Variants in TJP1 observed in about 807,000 individuals in gnomAD.
TJP1 encodes tight junction protein 1.
Under a neutral mutation model 194.2 loss-of-function variants are expected in TJP1, and 43 were observed. The ratio of observed to expected loss-of-function variants is 0.22; its 90% CI spans 0.17 to 0.29. TJP1 has a LOEUF of 0.29. Among genes scored for constraint, TJP1 ranks in the 10% least tolerant of loss-of-function variants. The pLI is 1.00. For missense variants in TJP1, 1,971 were observed against 2,185.7 expected, an observed-to-expected ratio of 0.90 and a Z score of 1.96; for synonymous variants, 801 against 779.0, an observed-to-expected ratio of 1.03 and a Z score of -0.47.
At chr15:29,780,843 G>A (rs554146276) in intron 2 of TJP1, among the ~76,000 whole-genome samples, 2 of 152,150 alleles carry the variant, frequency 1.3e-5, no homozygotes, top group Admixed American at 6.5e-5. Flanking sequence ...AAGTAAAAAA[G>A]AAATCAACCT....
chr15:29,921,364 C>T (rs2054352277), intron 2 of TJP1, among the ~76,000 whole-genome samples: 1 of 152,194 alleles, frequency 6.6e-6, no homozygotes, highest in Non-Finnish European at 1.5e-5. Context: ...CACCTAAACC[C>T]TCCATTTCCC....
At chr15:29,927,122 C>A (rs1295130013) in intron 2 of TJP1, among the ~76,000 whole-genome samples, 1 of 151,612 alleles carries the variant, frequency 6.6e-6, no homozygotes, top group African/African-American at 2.4e-5. Flanking sequence ...GAGTTCAAGA[C>A]CAGCTTGGCC....
chr15:29,743,596 T>C (rs530096787), intron 8 of TJP1, among the ~76,000 whole-genome samples: 18 of 152,248 alleles, frequency 1.2e-4, no homozygotes, highest in Non-Finnish European at 2.2e-4. Context: ...GCACTGTCAC[T>C]TGTTCCTACA....
intron 24 of TJP1, among the ~76,000 whole-genome samples, chr15:29,709,920 C>T (rs2042131424): frequency 6.6e-6 from 1 of 152,082 alleles, no homozygotes; most frequent in Non-Finnish European, 1.5e-5. Flanking sequence ...CCGAGGTGGG[C>T]GGATCACCTG....
intron 2 of TJP1, among the ~76,000 whole-genome samples, chr15:29,916,443 T>A (rs571609165): frequency 6.6e-6 from 1 of 152,060 alleles, no homozygotes; most frequent in Admixed American, 6.5e-5. Context: ...GAATGGGTAA[T>A]GAGCTCCTTT....
chr15:29,833,881 A>ATATATATATATATTTTT (rs1555434000), intron 2 of TJP1, among the ~76,000 whole-genome samples: 1 of 12,614 alleles, frequency 7.9e-5, no homozygotes, highest in Non-Finnish European at 1.4e-4. Context: ...ATATATATAT[A>ATATATATATATATTTTT]TTTTTTTTTT....
intron 2 of TJP1, among the ~76,000 whole-genome samples, chr15:29,900,883 T>C (rs1006470540): frequency 6.6e-6 from 1 of 152,140 alleles, no homozygotes; most frequent in Non-Finnish European, 1.5e-5. Context: ...TCATCCTTTA[T>C]AGTACAAGCT....
intron 2 of TJP1, among the ~76,000 whole-genome samples, chr15:29,947,668 G>C (rs978082365): frequency 6.6e-6 from 1 of 152,168 alleles, no homozygotes; most frequent in Non-Finnish European, 1.5e-5. Context: ...AGGAGATGTA[G>C]AGAGATGTCC....
At chr15:29,949,496 TCCACAACCAC>T in intron 2 of TJP1, among the ~76,000 whole-genome samples, 1 of 37,508 alleles carries the variant, frequency 2.7e-5, no homozygotes, top group African/African-American at 1.3e-4. Context: ...CACCTCCACC[TCCACAACCAC>T]CACCTCCACC....
chr15:29,926,550 T>C (rs1389197387), intron 2 of TJP1, among the ~76,000 whole-genome samples: 1 of 149,250 alleles, frequency 6.7e-6, no homozygotes, highest in Non-Finnish European at 1.5e-5. Flanking sequence ...AGGTGGAGGA[T>C]GCAGTGAGCC....
At chr15:29,739,911 A>G (rs898374371) in intron 10 of TJP1, among the ~76,000 whole-genome samples, 1 of 152,246 alleles carries the variant, frequency 6.6e-6, no homozygotes, top group Admixed American at 6.5e-5. Context: ...TTAAACTTGT[A>G]AAAACCCCAT....
intron 2 of TJP1, among the ~76,000 whole-genome samples, chr15:29,775,305 G>A (rs1285842603): frequency 4.3e-5 from 6 of 138,832 alleles, no homozygotes; most frequent in Non-Finnish European, 9.3e-5. Flanking sequence ...GAGAGAAGGC[G>A]AAAGTCCTCC....
Position 29,718,648 on chromosome 15 carries a change from T to G in TJP1, c.3494A>C (p.Tyr1165Ser). ...LRHEEQPAPG[Y>S]DTHGRLRPEA... is the part of the protein sequence containing the mutation. ...CGGTCTGAGTCTACCATGTGTGTCATACCCAGGAGCTGGCTGCTCTTCGTG... is the reference window on the plus strand; with the variant it reads ...CGGTCTGAGTCTACCATGTGTGTCAGACCCAGGAGCTGGCTGCTCTTCGTG... Residue 1165 changes from tyrosine (Y) to serine (S), a missense_variant, in exon 21 of 28, where the codon TAT becomes TCT. By Grantham distance (144) the Tyr-to-Ser change is moderately radical. Coordinates refer to ENST00000614355, the MANE Select transcript of TJP1 (RefSeq NM_001330239.4). 1 of 1,614,160 alleles carries G rather than the reference T, an allele frequency of 6.2e-7. No individual in the cohort carries two copies. The highest frequency in any genetic ancestry group is 8.5e-7 in the Non-Finnish European group (1 of 1,180,030).
chr15:29,832,110 GTCTTT>G (rs1317126137), intron 2 of TJP1, among the ~76,000 whole-genome samples: 1 of 152,104 alleles, frequency 6.6e-6, no homozygotes, highest in Non-Finnish European at 1.5e-5. Flanking sequence ...AACAGATGGA[GTCTTT>G]TCTTCCATCC....
intron 15 of TJP1, among the ~76,000 whole-genome samples, chr15:29,730,458 G>A (rs1306965943): frequency 2.0e-5 from 3 of 151,886 alleles, no homozygotes; most frequent in East Asian, 1.9e-4. Context: ...CTAGCCAGGC[G>A]TGTTGGCATG....
chr15:29,761,429 A>G (rs2046000511), intron 7 of TJP1, 143 bp from the exon 8 acceptor site: 3 of 1,290,632 alleles, frequency 2.3e-6, no homozygotes, highest in South Asian at 2.9e-5. Context: ...CCTGCCAGCA[A>G]TCATATCAAT....
chr15:29,720,156 GA>G (rs963010979), intron 19 of TJP1, 140 bp from the exon 20 acceptor site: 77,154 of 818,490 alleles, frequency 0.094, 1 homozygote, highest in South Asian at 0.14. Context: ...AACTTTTTGG[GA>G]AAAAAAAAAA....
chr15:29,763,329 TATA>T (rs1246454998), intron 5 of TJP1, among the ~76,000 whole-genome samples: 1 of 152,168 alleles, frequency 6.6e-6, no homozygotes, highest in African/African-American at 2.4e-5. Flanking sequence ...CAACTATCAA[TATA>T]ATGTCAATAG....
At chr15:29,908,470 C>T (rs568051196) in intron 2 of TJP1, among the ~76,000 whole-genome samples, 1 of 152,318 alleles carries the variant, frequency 6.6e-6, no homozygotes, top group South Asian at 2.1e-4. Flanking sequence ...TAAAGACATT[C>T]TCAGTCATTG....
Sources: allele counts gnomAD v4.1 joint callset (sites outside exome capture counted in the v4.1 genomes callset), GRCh38; gene constraint gnomAD v4.1.1; transcripts MANE v1.5; gene names NCBI Gene and HGNC (gene_info 2026-07-23, HGNC 2026-07-21).